The following FAM217B variants were observed in gnomAD, a reference collection of about 807,000 sequenced individuals.
FAM217B encodes the protein family with sequence similarity 217 member B.
For synonymous variants in FAM217B, 163 were observed against 173.0 expected (o/e 0.94, Z 0.45); for missense variants, 463 against 456.9 (o/e 1.01, Z -0.12).
Position 59,942,275 on chromosome 20 carries a change from G to C in FAM217B, c.-125G>C, listed in dbSNP as rs1463843062. The C allele has an allele frequency of 6.6e-6, 1 of 152,604 alleles. No homozygotes were observed. The highest frequency in any genetic ancestry group is 2.4e-5 in the African/African-American group (1 of 41,436). 9.5% of individuals were successfully genotyped at this position (152,604 alleles called of 1,614,324 possible). A position where few individuals can be genotyped will look rare whatever the true frequency, so the allele number is the denominator to read the frequency against. On this transcript the variant is annotated 5_prime_UTR_variant, in exon 2 of 4. Transcript: ENST00000360816. ...CCCCAGCTGTCATCATCTTCCAGCA[G>C]ATTGAGCAAGAATATTTTGAGCACT...
chr20:59,944,039 G>T lies in FAM217B; in HGVS notation c.96G>T (p.Gln32His), dbSNP rs1601047293. 1 of 1,614,134 alleles carries T rather than the reference G, an allele frequency of 6.2e-7. No individual in the cohort carries two copies. The highest frequency in any genetic ancestry group is 2.2e-5 in the East Asian group (1 of 44,884). ...SKSQVPHASS[Q>H]PRSSLTAVTQ... is the part of the protein sequence containing the mutation. ...CCCAAGTACCCCACGCTTCTTCCCA[G>T]CCGAGAAGCAGCCTCACAGCTGTCA... is the stretch of plus-strand genomic sequence containing the variant. Residue 32 changes from glutamine (Q) to histidine (H), a missense_variant, in exon 4 of 4, where the codon CAG becomes CAT. Coordinates refer to ENST00000360816, the MANE Select transcript of FAM217B (RefSeq NM_022106.3).
rs760395272 is a variant in FAM217B at position 59,944,581 on chromosome 20, G to T, written c.638G>T (p.Gly213Val). The T allele has an allele frequency of 6.2e-7, 1 of 1,613,924 alleles. No individual in the cohort carries two copies. Among genetic ancestry groups the T allele is most frequent in the Admixed American group, 1.7e-5 (1 of 59,982 alleles). Residue 213 changes from glycine to valine, a missense_variant, in exon 4 of 4, where the codon GGG (glycine) becomes GTG (valine). Transcript: ENST00000360816. ...AAAGCAAGGCCCCCCACTGCCCCTG[G>T]GACCTCAGGGGCACTGAAAAGCCCT... ...GGKARPPTAPGTSGALKSPGR... is the reference protein window; with the variant it reads ...GGKARPPTAPVTSGALKSPGR...
chr20:59,940,361 C>A (rs1266880820), upstream of FAM217B: 1 of 153,078 alleles, frequency 6.5e-6, no homozygotes, highest in African/African-American at 2.4e-5. Context: ...CTCGTGACGC[C>A]GCCTGCAGGC....
chr20:59,944,406 C>T lies in FAM217B; in HGVS notation c.463C>T (p.Leu155=), dbSNP rs370611618. Residue 155 remains leucine (L), a synonymous_variant, in exon 4 of 4, where the codon CTA becomes TTA. Transcript: ENST00000360816. ...TCCATCCCCTTTCAGCTCCTGGGAC[C>T]TACGAGATATGGCCCTGCTTCTGAA... The part of the protein sequence containing the change: ...FLPSPFSSWD[L]RDMALLLNAE... 25 of 1,613,906 alleles carry T rather than the reference C, an allele frequency of 1.5e-5. No individual in the cohort carries two copies. In the African/African-American group the frequency reaches 2.9e-4, roughly 19 times the overall value.
At position 59,944,395 on chromosome 20, in the gene FAM217B, G is replaced by A; in HGVS notation, c.452G>A (p.Ser151Asn). Residue 151 changes from serine to asparagine, a missense_variant, in exon 4 of 4, where the codon AGC becomes AAC. Ser to Asn is a conservative substitution (Grantham distance 46, BLOSUM62 1). Transcript: ENST00000360816. Reference sequence around the variant, plus strand: ...CCTAATTTCCTTCCATCCCCTTTCAGCTCCTGGGACCTACGAGATATGGCC... The same window carrying A: ...CCTAATTTCCTTCCATCCCCTTTCAACTCCTGGGACCTACGAGATATGGCC... ...YYPNFLPSPF[S>N]SWDLRDMALL... The A allele has an allele frequency of 6.2e-7, 1 of 1,613,908 alleles. No homozygotes were observed. Among genetic ancestry groups the A allele is most frequent in the Non-Finnish European group, 8.5e-7 (1 of 1,179,996 alleles).
chr20:59,939,738 C>T (rs1215607255), upstream of FAM217B: 14 of 1,246,358 alleles, frequency 1.1e-5, no homozygotes, highest in East Asian at 2.9e-4. Flanking sequence ...GATGATGGGC[C>T]GCAGGCGGGG....
At chr20:59,938,867 T>C (rs2145945767), upstream of FAM217B, 1 of 585,458 alleles carries the variant, frequency 1.7e-6, no homozygotes, top group South Asian at 4.7e-5. Context: ...ACGTTTCAAG[T>C]AGAAGACAGG....
At chr20:59,937,160 T>C (rs2060867492), upstream of FAM217B, 1 of 152,690 alleles carries the variant, frequency 6.5e-6, no homozygotes, top group Non-Finnish European at 1.5e-5. Context: ...GATTATGAGA[T>C]TCTCTACATG....
chr20:59,940,318 G>A (rs1028673907), upstream of FAM217B: 1 of 166,704 alleles, frequency 6.0e-6, no homozygotes, highest in Non-Finnish European at 1.4e-5. Flanking sequence ...AACTTGACCG[G>A]GTGCAACTTC....
In FAM217B at chr20:59,945,230, C is replaced by A; in HGVS notation, c.*135C>A. On this transcript the variant is annotated 3_prime_UTR_variant, in exon 4 of 4. Coordinates refer to ENST00000360816, the MANE Select transcript of FAM217B (RefSeq NM_022106.3). Reference sequence around the variant, plus strand: ...GTAGTTGACTGGCATTTTTGTCCACCTTTATTTCTACCCTGAGTGGGGTTA... The same window carrying A: ...GTAGTTGACTGGCATTTTTGTCCACATTTATTTCTACCCTGAGTGGGGTTA... 1.3e-6 allele frequency: 1 copy of A among 751,550 alleles called. No homozygotes were observed. The highest frequency in any genetic ancestry group is 2.1e-6 in the Non-Finnish European group (1 of 473,986). 46.6% of individuals were successfully genotyped at this position (751,550 alleles called of 1,614,324 possible).
At chr20:59,937,221 ACTGT>A (rs1481422510), upstream of FAM217B, 2 of 152,636 alleles carry the variant, frequency 1.3e-5, no homozygotes, top group African/African-American at 4.8e-5. Context: ...TCTCTGGACA[ACTGT>A]CTTGCTCTCT....
upstream of FAM217B, chr20:59,938,983 G>C: frequency 2.1e-6 from 3 of 1,447,384 alleles, no homozygotes; most frequent in Non-Finnish European, 2.7e-6. Context: ...GAAATGACAG[G>C]AGGCGCAGCT....
rs2060938387 is a variant in FAM217B at position 59,946,565 on chromosome 20, T to C, written c.*1470T>C. On this transcript the variant is annotated 3_prime_UTR_variant, in exon 4 of 4. Coordinates refer to ENST00000360816, the MANE Select transcript of FAM217B (RefSeq NM_022106.3). ...AATGTGCAAGGGTTATATTTTAAGG[T>C]CTTTTAAAATCTGATTTTGATCATA... 1 of 167,062 alleles carries C rather than the reference T, an allele frequency of 6.0e-6. No homozygotes were observed. Among genetic ancestry groups the C allele is most frequent in the Admixed American group, 6.5e-5 (1 of 15,286 alleles). 10.3% of individuals were successfully genotyped at this position (167,062 alleles called of 1,614,324 possible).
At chr20:59,939,026 C>T (rs2060878897), upstream of FAM217B, 1 of 1,510,838 alleles carries the variant, frequency 6.6e-7, no homozygotes, top group Non-Finnish European at 8.8e-7. Flanking sequence ...CCGGTCCCCG[C>T]GCGGCTCAGA....
At chr20:59,935,460 C>T (rs1273543305), upstream of FAM217B, among the ~76,000 whole-genome samples, 4 of 152,046 alleles carry the variant, frequency 2.6e-5, no homozygotes, top group African/African-American at 9.7e-5. Flanking sequence ...CATGAAAAAC[C>T]TTCTCAATTA....
rs2060920986 is a variant in FAM217B at position 59,944,079 on chromosome 20, G to A, written c.136G>A (p.Glu46Lys). The A allele has an allele frequency of 6.2e-7, 1 of 1,614,134 alleles. No homozygotes were observed. The highest frequency in any genetic ancestry group is 8.5e-7 in the Non-Finnish European group (1 of 1,180,028). The change falls in exon 4 of 4, where the codon GAA (glutamate) becomes AAA (lysine). Residue 46 changes from glutamate to lysine, a missense_variant. Transcript: ENST00000360816. Reference sequence around the variant, plus strand: ...CACAGCTGTCACCCAGCCTACTGAAGAAAAACTTAAAGAAAGCATTTCCCC... The same window carrying A: ...CACAGCTGTCACCCAGCCTACTGAAAAAAAACTTAAAGAAAGCATTTCCCC... ...SLTAVTQPTE[E>K]KLKESISPEA...
intron 2 of FAM217B, 47 bp downstream of exon 2, chr20:59,942,356 T>C (rs1346808361): frequency 2.0e-5 from 3 of 152,188 alleles, no homozygotes; most frequent in Non-Finnish European, 4.4e-5. Flanking sequence ...TATTCTGGGA[T>C]TTTTGTTTGT....
intron 1 of FAM217B, among the ~76,000 whole-genome samples, chr20:59,941,039 A>C (rs2060901796): frequency 6.6e-6 from 1 of 152,236 alleles, no homozygotes; most frequent in Non-Finnish European, 1.5e-5. Flanking sequence ...GTTTCCAAGC[A>C]AGCCAGAAAC....
chr20:59,938,564 A>G (rs1166799813), upstream of FAM217B: 2 of 152,764 alleles, frequency 1.3e-5, no homozygotes, highest in African/African-American at 4.8e-5. Flanking sequence ...GCACAAACAC[A>G]GAACTTTTTT....
Sources: allele counts gnomAD v4.1 joint callset (sites outside exome capture counted in the v4.1 genomes callset), GRCh38; gene constraint gnomAD v4.1.1; transcripts MANE v1.5; gene names NCBI Gene and HGNC (gene_info 2026-07-23, HGNC 2026-07-21).